Variants in STATH observed in about 807,000 individuals in gnomAD.
The protein encoded by STATH is statherin.
A neutral mutation model predicts 13.3 loss-of-function variants in STATH; 11 were observed. The ratio of observed to expected loss-of-function variants is 0.83; its 90% CI spans 0.52 to 1.37. The LOEUF (loss-of-function observed/expected upper bound fraction) is 1.37. Among genes scored for constraint, STATH ranks in the 40% most tolerant of loss-of-function variants. STATH has a pLI of 0.00. For missense variants in STATH, 78 were observed against 73.3 expected, an observed-to-expected ratio of 1.06 and a Z score of -0.24; for synonymous variants, 25 against 23.6, an observed-to-expected ratio of 1.06 and a Z score of -0.17.
rs977380993 is a variant in STATH at position 69,999,622 on chromosome 4, A to G, written c.52-45A>G. On this transcript the variant is annotated intron_variant, in intron 2 of 5. Transcript: ENST00000246895. ...TCATTTTTGTACTCAATCTGGAATT[A>G]TAACATTAAGATACTAACTATTGTC... The G allele has an allele frequency of 2.5e-6, 4 of 1,589,024 alleles. No homozygotes were observed. The Middle Eastern group carries it at 6.7e-4, about 265-fold the overall frequency.
intron 2 of STATH, chr4:69,999,285 CAG>C (rs986549141): frequency 1.1e-5 from 2 of 174,338 alleles, no homozygotes; most frequent in Admixed American, 6.0e-5. Context: ...GTAAGGAAAA[CAG>C]AGAAAAACAT....
At chr4:70,001,230 G>A (rs939035382) in intron 5 of STATH, among the ~76,000 whole-genome samples, 8 of 151,808 alleles carry the variant, frequency 5.3e-5, no homozygotes, top group African/African-American at 1.7e-4. Flanking sequence ...ACAACTACTA[G>A]TTTCATGACT....
chr4:70,001,516 G>T (rs1724668299), intron 5 of STATH, among the ~76,000 whole-genome samples: 1 of 151,652 alleles, frequency 6.6e-6, no homozygotes, highest in Non-Finnish European at 1.5e-5. Flanking sequence ...TTTGCATTTT[G>T]TACCCTAAGT....
chr4:70,000,860 C>A lies in STATH; in HGVS notation c.103-3C>A, dbSNP rs776350059. ...AATTTTCTTTCTCCTTGTGTGTATA[C>A]AGTATGGGTATGGCCCTTATCAGCC... On this transcript the variant is annotated splice_region_variant and splice_polypyrimidine_tract_variant and intron_variant, in intron 4 of 5. Transcript: ENST00000246895. 14 of 1,610,480 alleles carry A rather than the reference C, an allele frequency of 8.7e-6. No homozygotes were observed. The Admixed American group carries it at 2.3e-4, about 27-fold the overall frequency.
At chr4:70,001,937 A>G (rs1724681267) in intron 5 of STATH, among the ~76,000 whole-genome samples, 1 of 151,838 alleles carries the variant, frequency 6.6e-6, no homozygotes, top group Non-Finnish European at 1.5e-5. Context: ...GCTATATTTA[A>G]GTAGAAGAAT....
At chr4:70,001,206 G>T (rs1447428218) in intron 5 of STATH, among the ~76,000 whole-genome samples, 1 of 151,732 alleles carries the variant, frequency 6.6e-6, no homozygotes, top group Non-Finnish European at 1.5e-5. Flanking sequence ...ACCAGGGTTT[G>T]TATGCTGGCC....
chr4:69,997,725 G>C (rs1560413266), intron 1 of STATH, among the ~76,000 whole-genome samples: 1 of 151,964 alleles, frequency 6.6e-6, no homozygotes, highest in Non-Finnish European at 1.5e-5. Context: ...TCTCAGAGGA[G>C]GTACGAATAT....
intron 1 of STATH, among the ~76,000 whole-genome samples, chr4:69,997,842 C>T (rs1724550362): frequency 6.6e-6 from 1 of 152,130 alleles, no homozygotes; most frequent in Non-Finnish European, 1.5e-5. Context: ...AAATCTGGCT[C>T]ATTTTCAGTA....
At position 70,002,463 on chromosome 4, in the gene STATH, T is replaced by G. The variant is rs1403012386; in HGVS notation, c.*308T>G. On this transcript the variant is annotated 3_prime_UTR_variant, in exon 6 of 6. Coordinates refer to ENST00000246895, the MANE Select transcript of STATH (RefSeq NM_003154.3). ...TTCAAGCACATTTTTACATGTATGC[T>G]CCTTATTTTTCTCTTTTCTATTTAT... The G allele has an allele frequency of 6.6e-6, 1 of 151,724 alleles. No homozygotes were observed. Among genetic ancestry groups the G allele is most frequent in the African/African-American group, 2.4e-5 (1 of 41,382 alleles). The allele number at this position is 151,724 out of a possible 1,614,324, so 9.4% of individuals were successfully genotyped here.
rs182190256 is a variant in STATH, at chr4:69,996,998, T to C, written c.-16+973T>C. ...TGTTGCCCAGGCTGGAGTGCAATGGTGCAATCTCGGCTCACCGCAACCTCC... is the reference window on the plus strand; with the variant it reads ...TGTTGCCCAGGCTGGAGTGCAATGGCGCAATCTCGGCTCACCGCAACCTCC... On this transcript the variant is annotated intron_variant, in intron 1 of 5. Coordinates refer to ENST00000246895, the MANE Select transcript of STATH (RefSeq NM_003154.3). Among the ~76,000 whole-genome samples the C allele has an allele frequency of 2.7e-3, 394 of 148,050 alleles. 3 individuals are homozygous for C. The highest frequency in any genetic ancestry group is 9.3e-3 in the African/African-American group (375 of 40,132).
rs35175206 is a variant in STATH, at chr4:70,001,002, ATTT to A, written c.*33+26_*33+28del. 10 of 1,528,978 alleles carry A rather than the reference ATTT, an allele frequency of 6.5e-6. No individual in the cohort carries two copies. The highest frequency in any genetic ancestry group is 9.1e-6 in the Non-Finnish European group (10 of 1,104,052). 94.7% of individuals were successfully genotyped at this position (1,528,978 alleles called of 1,614,324 possible). A position where few individuals can be genotyped will look rare whatever the true frequency, so the allele number is the denominator to read the frequency against. On this transcript the variant is annotated intron_variant, in intron 5 of 5. Coordinates refer to ENST00000246895, the MANE Select transcript of STATH (RefSeq NM_003154.3). ...ATTGAGGTAAGATGGGTTTAGTGAC[ATTT>A]TTTTTACTTTCTGTATCAGTGCTGA... is the stretch of plus-strand genomic sequence containing the variant.
At position 70,000,917 on chromosome 4, in the gene STATH, T is replaced by C; in HGVS notation, c.157T>C (p.Tyr53His). ...VPEQPLYPQP[Y>H]QPQYQQYTF ...AGAACAACCACTATACCCACAACCA[T>C]ACCAACCACAATACCAACAATATAC... The change falls in exon 5 of 6, where the codon TAC becomes CAC. Residue 53 changes from tyrosine to histidine, a missense_variant. Transcript: ENST00000246895. 1.9e-6 allele frequency: 3 copies of C among 1,612,106 alleles called. No individual in the cohort carries two copies. Among genetic ancestry groups the C allele is most frequent in the Non-Finnish European group, 1.7e-6 (2 of 1,178,536 alleles).
chr4:69,998,235 A>G lies in STATH; in HGVS notation c.-15-188A>G, dbSNP rs143501261. 483 of 551,744 alleles carry G rather than the reference A, an allele frequency of 8.8e-4. 5 individuals carry two copies. Among genetic ancestry groups the G allele is most frequent in the African/African-American group, 8.0e-3 (427 of 53,084 alleles). 34.2% of individuals were successfully genotyped at this position (551,744 alleles called of 1,614,324 possible). A position where few individuals can be genotyped will look rare whatever the true frequency, so the allele number is the denominator to read the frequency against. On this transcript the variant is annotated intron_variant, in intron 1 of 5. Transcript: ENST00000246895. ...CTAATGCCTTAGCATTTCCATATCA[A>G]TACACTCACTTTTACTTATCAGTGT...
At chr4:69,999,834 G>A (rs1210989386) in intron 4 of STATH, 25 bp downstream of exon 4, 1 of 1,610,182 alleles carries the variant, frequency 6.2e-7, no homozygotes, top group Non-Finnish European at 8.5e-7. Context: ...ATAATGCTGT[G>A]TAGTCCAAAT....
At chr4:69,997,221 C>T (rs1369767424) in intron 1 of STATH, among the ~76,000 whole-genome samples, 2 of 152,076 alleles carry the variant, frequency 1.3e-5, no homozygotes, top group Non-Finnish European at 2.9e-5. Flanking sequence ...GCTGTGATTA[C>T]AGGCATGAGC....
intron 1 of STATH, 113 bp from the exon 2 acceptor site, chr4:69,998,310 T>C: frequency 1.4e-6 from 1 of 707,830 alleles, no homozygotes; most frequent in South Asian, 1.9e-5. Context: ...GTTTTAATTG[T>C]CTTTCTATCT....
intron 4 of STATH, 74 bp downstream of exon 4, chr4:69,999,883 C>A (rs1724608946): frequency 1.3e-6 from 2 of 1,533,386 alleles, no homozygotes; most frequent in Non-Finnish European, 1.8e-6. Context: ...CTAGAAGAAC[C>A]AATACTTATT....
At chr4:69,997,484 T>TA (rs1724540821) in intron 1 of STATH, among the ~76,000 whole-genome samples, 1 of 152,114 alleles carries the variant, frequency 6.6e-6, no homozygotes, top group Non-Finnish European at 1.5e-5. Context: ...AATAAACAGG[T>TA]AAAAATGTCA....
At chr4:70,002,115 C>G (rs940459885) in intron 5 of STATH, 74 bp from the exon 6 acceptor site, 1 of 151,300 alleles carries the variant, frequency 6.6e-6, no homozygotes, top group African/African-American at 2.4e-5. Context: ...TACTCTGTAC[C>G]AGGCCAGAAT....
Sources: gnomAD v4.1 joint callset for allele counts (sites outside exome capture counted in the v4.1 genomes callset) on GRCh38, gnomAD v4.1.1 for gene constraint, MANE v1.5 for transcripts, NCBI Gene and HGNC (gene_info 2026-07-23, HGNC 2026-07-21) for gene names.